SORCS3: variants seen among roughly 807,000 people sequenced by gnomAD.
SORCS3 encodes the protein sortilin related VPS10 domain containing receptor 3.
SORCS3 carries 57 observed loss-of-function variants against 146.3 expected under a neutral mutation model. That is an observed-to-expected ratio of 0.39 (90% confidence interval 0.31 to 0.49). The LOEUF is 0.49. Ranked by LOEUF, SORCS3 falls within the 20% of genes least tolerant of loss-of-function variation. The pLI is 0.92. For missense variants in SORCS3, 1,341 were observed against 1,575.5 expected (o/e 0.85, Z 2.52); for synonymous variants, 653 against 618.5 (o/e 1.06, Z -0.83).
At chr10:104,645,427 C>T (rs1377517835) in intron 1 of SORCS3, among the ~76,000 whole-genome samples, 1 of 152,138 alleles carries the variant, frequency 6.6e-6, no homozygotes, top group Non-Finnish European at 1.5e-5. Flanking sequence ...AGGCACAGTC[C>T]ACTTCTCCAC....
rs1351834476 is a variant in SORCS3 at position 105,110,214 on chromosome 10, T to TGTCC, written c.1212+4699_1212+4700insGTCC. Among the ~76,000 whole-genome samples, 345 of 152,162 alleles carry TGTCC rather than the reference T, an allele frequency of 2.3e-3. 1 individual carries two copies. The highest frequency in any genetic ancestry group is 7.8e-3 in the African/African-American group (323 of 41,552). ...CTTTTCTGAGCTTTGCCAGTTTATA[T>TGTCC]TGTGTCTCTTTCTCTCGTATCAACA... is the stretch of plus-strand genomic sequence containing the variant. On this transcript the variant is annotated intron_variant, in intron 7 of 26. Transcript: ENST00000369701.
rs533473987 is a variant in SORCS3 at position 104,656,073 on chromosome 10, C to T, written c.627+14119C>T. Reference sequence around the variant, plus strand: ...TCTGAGTCTGTAATAGTGAGCAGTGCTCTGATTGAGAGGTACATGACAACA... The same window carrying T: ...TCTGAGTCTGTAATAGTGAGCAGTGTTCTGATTGAGAGGTACATGACAACA... On this transcript the variant is annotated intron_variant, in intron 1 of 26. Coordinates refer to ENST00000369701, the MANE Select transcript of SORCS3 (RefSeq NM_014978.3). 2.6e-5 allele frequency among the ~76,000 whole-genome samples: 4 copies of T among 152,242 alleles called. No homozygotes were observed. The South Asian group carries it at 8.3e-4, about 32-fold the overall frequency.
chr10:104,690,813 C>T (rs976938910), intron 1 of SORCS3, among the ~76,000 whole-genome samples: 12 of 115,446 alleles, frequency 1.0e-4, no homozygotes, highest in African/African-American at 3.1e-4. Flanking sequence ...ATCGAGGGAC[C>T]AGGCAAGACC....
At chr10:104,985,251 C>G (rs1018083314) in intron 4 of SORCS3, among the ~76,000 whole-genome samples, 1 of 152,152 alleles carries the variant, frequency 6.6e-6, no homozygotes, top group Non-Finnish European at 1.5e-5. Context: ...ACAATGTTTA[C>G]AGCATCTTTA....
chr10:105,198,081 A>G (rs1420271694), intron 14 of SORCS3, among the ~76,000 whole-genome samples: 3 of 152,158 alleles, frequency 2.0e-5, no homozygotes, highest in East Asian at 1.9e-4. Context: ...CAAGATTCCT[A>G]TGACAGACCC....
intron 7 of SORCS3, 50 bp downstream of exon 7, chr10:105,105,565 G>A: frequency 1.5e-6 from 2 of 1,313,530 alleles, no homozygotes; most frequent in Non-Finnish European, 2.2e-6. Flanking sequence ...CGTTGAAGTT[G>A]GCTGCCTGCT....
intron 1 of SORCS3, among the ~76,000 whole-genome samples, chr10:104,681,053 G>A (rs189788459): frequency 8.9e-4 from 136 of 152,360 alleles, no homozygotes; most frequent in African/African-American, 3.1e-3. Flanking sequence ...CTCTCTCCCG[G>A]GAAGAGGACC....
At chr10:105,125,709 A>AC (rs1554879547) in intron 7 of SORCS3, among the ~76,000 whole-genome samples, 48 of 151,850 alleles carry the variant, frequency 3.2e-4, no homozygotes, top group African/African-American at 1.1e-3. Context: ...ACACACACAC[A>AC]AAACAGGCAG....
intron 3 of SORCS3, among the ~76,000 whole-genome samples, chr10:104,937,169 A>C (rs1328557754): frequency 6.6e-6 from 1 of 152,194 alleles, no homozygotes; most frequent in Non-Finnish European, 1.5e-5. Context: ...TGAGAACCTA[A>C]TGCCTGATGA....
intron 12 of SORCS3, among the ~76,000 whole-genome samples, chr10:105,165,129 G>A (rs2056301166): frequency 6.6e-6 from 1 of 152,072 alleles, no homozygotes; most frequent in Non-Finnish European, 1.5e-5. Flanking sequence ...GACTTATACA[G>A]TGTCAACTAG....
chr10:104,977,590 G>A, intron 4 of SORCS3, 97 bp downstream of exon 4: 1 of 1,194,366 alleles, frequency 8.4e-7, no homozygotes, highest in Non-Finnish European at 1.1e-6. Flanking sequence ...GGAATTCAGT[G>A]ACATTTCATC....
chr10:104,800,335 G>A (rs2017610826), intron 1 of SORCS3, among the ~76,000 whole-genome samples: 1 of 152,144 alleles, frequency 6.6e-6, no homozygotes, highest in South Asian at 2.1e-4. Flanking sequence ...GCGAGGAGAG[G>A]GGAATGAATG....
intron 6 of SORCS3, among the ~76,000 whole-genome samples, chr10:105,096,280 A>G (rs571130173): frequency 2.0e-4 from 31 of 152,226 alleles, no homozygotes; most frequent in Admixed American, 1.8e-3. Context: ...TTGAGAACCA[A>G]CGCACTAGAT....
At chr10:105,037,801 A>G (rs2055315875) in intron 4 of SORCS3, among the ~76,000 whole-genome samples, 1 of 152,174 alleles carries the variant, frequency 6.6e-6, no homozygotes, top group Non-Finnish European at 1.5e-5. Context: ...ACACAAATTC[A>G]ACCCATAACA....
chr10:105,116,413 A>G lies in SORCS3; in HGVS notation c.1212+10898A>G, dbSNP rs117629000. 4.1e-4 allele frequency among the ~76,000 whole-genome samples: 62 copies of G among 152,318 alleles called. 1 individual carries two copies. The East Asian group carries it at 0.011, about 26-fold the overall frequency. ...GGACAACTTCAGCAACAGGAATCCA[A>G]AGCTGGTGGATCAGTGCTGGTGGGA... is the stretch of plus-strand genomic sequence containing the variant. On this transcript the variant is annotated intron_variant, in intron 7 of 26. Transcript: ENST00000369701.
At chr10:104,970,692 A>G (rs775778311) in intron 3 of SORCS3, among the ~76,000 whole-genome samples, 3 of 152,200 alleles carry the variant, frequency 2.0e-5, no homozygotes, top group Non-Finnish European at 4.4e-5. Flanking sequence ...ACTAGTGATG[A>G]CTTATTTCAA....
intron 1 of SORCS3, among the ~76,000 whole-genome samples, chr10:104,740,402 C>T (rs934284327): frequency 5.9e-5 from 9 of 152,346 alleles, no homozygotes; most frequent in South Asian, 2.1e-4. Context: ...TCTCTGCTGT[C>T]GTCTCACTTA....
intron 1 of SORCS3, among the ~76,000 whole-genome samples, chr10:104,654,836 T>C (rs951595232): frequency 3.3e-5 from 5 of 152,218 alleles, no homozygotes; most frequent in African/African-American, 4.8e-5. Flanking sequence ...TGAGGAAGCC[T>C]GATGCATTAA....
intron 5 of SORCS3, among the ~76,000 whole-genome samples, chr10:105,081,062 A>G (rs1347405483): frequency 6.6e-6 from 1 of 152,254 alleles, no homozygotes; most frequent in Non-Finnish European, 1.5e-5. Flanking sequence ...CATACAGTAT[A>G]TCAAAACTTC....
Sources: allele counts gnomAD v4.1 joint callset (sites outside exome capture counted in the v4.1 genomes callset), GRCh38; gene constraint gnomAD v4.1.1; transcripts MANE v1.5; gene names NCBI Gene and HGNC (gene_info 2026-07-23, HGNC 2026-07-21).